The following C17orf107 variants were observed in gnomAD, a reference collection of about 807,000 sequenced individuals.
C17orf107 encodes uncharacterized protein C17orf107.
C17orf107 carries 9 observed loss-of-function variants against 8.9 expected under a neutral mutation model. The ratio of observed to expected loss-of-function variants is 1.02; its 90% CI spans 0.61 to 1.77. The LOEUF is 1.77. Ranked by LOEUF, C17orf107 falls within the 40% of genes most tolerant of loss-of-function variation. C17orf107 has a pLI of 0.00. For missense variants in C17orf107, 281 were observed against 249.0 expected (o/e 1.13, Z -0.86); for synonymous variants, 139 against 120.3 (o/e 1.16, Z -1.02).
downstream of C17orf107, among the ~76,000 whole-genome samples, chr17:4,903,447 A>G (rs1396463191): frequency 6.6e-6 from 1 of 152,024 alleles, no homozygotes; most frequent in Non-Finnish European, 1.5e-5. Flanking sequence ...TGACTGATGA[A>G]CACATCTGGG....
At chr17:4,906,446 C>A (rs965871789), downstream of C17orf107, among the ~76,000 whole-genome samples, 3 of 152,236 alleles carry the variant, frequency 2.0e-5, no homozygotes, top group Admixed American at 2.0e-4. Context: ...TCCTCCCCAG[C>A]AGGATTCAAA....
rs1970027896 is a variant in C17orf107 at position 4,902,581 on chromosome 17, G to A, written c.*2048G>A. ...CAGAGCTCAGCGGTTGGGGCCAGAA[G>A]TGGGATTTTTGGCTTAAGATGAGGG... is the stretch of plus-strand genomic sequence containing the variant. On this transcript the variant is annotated 3_prime_UTR_variant, in exon 3 of 3. Coordinates refer to ENST00000381365, the MANE Select transcript of C17orf107 (RefSeq NM_001145536.2). The surrounding 1 kb of genome is among the most constrained non-coding windows in gnomAD (Gnocchi z 4.0). 3 of 1,614,210 alleles carry A rather than the reference G, an allele frequency of 1.9e-6. No homozygotes were observed. The East Asian group carries it at 6.7e-5, about 36-fold the overall frequency.
Position 4,901,952 on chromosome 17 carries a change from C to T in C17orf107, c.*1419C>T, listed in dbSNP as rs754300536. On this transcript the variant is annotated 3_prime_UTR_variant, in exon 3 of 3. Coordinates refer to ENST00000381365, the MANE Select transcript of C17orf107 (RefSeq NM_001145536.2). ...CCCACCGGAAAATAAGCGAACAGTT[C>T]TGCCAATCGAAGGGGAAGTAGGTGA... 2.5e-5 allele frequency: 40 copies of T among 1,568,648 alleles called. No homozygotes were observed. Among genetic ancestry groups the T allele is most frequent in the Admixed American group, 1.9e-4 (11 of 58,644 alleles).
chr17:4,900,978 G>A lies in C17orf107; in HGVS notation c.*445G>A. ...GCCCGGGTTTGGGGGTAGGTTCGGG[G>A]CCACTGCTTACCCTGCGCCGGCAGG... On this transcript the variant is annotated 3_prime_UTR_variant, in exon 3 of 3. Transcript: ENST00000381365. 1 of 1,613,950 alleles carries A rather than the reference G, an allele frequency of 6.2e-7. No homozygotes were observed. The highest frequency in any genetic ancestry group is 1.1e-5 in the South Asian group (1 of 91,088).
downstream of C17orf107, among the ~76,000 whole-genome samples, chr17:4,906,465 C>A (rs543605257): frequency 6.6e-6 from 1 of 152,206 alleles, no homozygotes; most frequent in African/African-American, 2.4e-5. Context: ...AACTTGAAAT[C>A]TTGCTTCAAA....
In C17orf107 at chr17:4,900,151, G is replaced by T. The variant is rs1969928937; in HGVS notation, c.276+6G>T. On this transcript the variant is annotated splice_donor_region_variant and intron_variant, in intron 2 of 2. Coordinates refer to ENST00000381365, the MANE Select transcript of C17orf107 (RefSeq NM_001145536.2). ...TCGGCACCACCTTGTTAGAGGTGGGGTACTGGGGGGCTTAGGATACGCGGC... is the reference window on the plus strand; with the variant it reads ...TCGGCACCACCTTGTTAGAGGTGGGTTACTGGGGGGCTTAGGATACGCGGC... 1.3e-6 allele frequency: 2 copies of T among 1,549,016 alleles called. No individual in the cohort carries two copies. The highest frequency in any genetic ancestry group is 1.7e-6 in the Non-Finnish European group (2 of 1,146,046).
At position 4,901,568 on chromosome 17, in the gene C17orf107, G is replaced by A. The variant is rs761643342; in HGVS notation, c.*1035G>A. On this transcript the variant is annotated 3_prime_UTR_variant, in exon 3 of 3. Transcript: ENST00000381365. ...CGATGTCGATCTTGTTGATGGTCTTGCCGTCGTTGTCTACGGCAAAAGTGA... is the reference window on the plus strand; with the variant it reads ...CGATGTCGATCTTGTTGATGGTCTTACCGTCGTTGTCTACGGCAAAAGTGA... 1.2e-6 allele frequency: 2 copies of A among 1,614,184 alleles called. No homozygotes were observed. The highest frequency in any genetic ancestry group is 1.7e-6 in the Non-Finnish European group (2 of 1,180,024).
At chr17:4,903,870 T>A (rs6502829), downstream of C17orf107, among the ~76,000 whole-genome samples, 29,916 of 151,460 alleles carry the variant, frequency 0.2, 3,541 homozygotes, top group African/African-American at 0.34. Flanking sequence ...TAAAAAAAAT[T>A]TTTTTGAGAC....
At chr17:4,903,868 ATT>A (rs916204252), downstream of C17orf107, among the ~76,000 whole-genome samples, 4 of 151,856 alleles carry the variant, frequency 2.6e-5, no homozygotes, top group African/African-American at 9.7e-5. Context: ...TTTAAAAAAA[ATT>A]TTTTTGAGAC....
Position 4,901,718 on chromosome 17 carries a change from C to G in C17orf107, c.*1185C>G. ...TGGAAGCTGGGATCTAGCGGGGCCG[C>G]GATCCCAAGCCCACCCCTTCACCCA... is the stretch of plus-strand genomic sequence containing the variant. On this transcript the variant is annotated 3_prime_UTR_variant, in exon 3 of 3. Coordinates refer to ENST00000381365, the MANE Select transcript of C17orf107 (RefSeq NM_001145536.2). The G allele has an allele frequency of 7.5e-7, 1 of 1,340,816 alleles. No homozygotes were observed. The highest frequency in any genetic ancestry group is 1.4e-5 in the African/African-American group (1 of 69,666). 83.1% of individuals were successfully genotyped at this position (1,340,816 alleles called of 1,614,324 possible). A position where few individuals can be genotyped will look rare whatever the true frequency, so the allele number is the denominator to read the frequency against.
rs1555546465 is a variant in C17orf107, at chr17:4,899,563, CCAT to C, written c.-199_-197del. 1.3e-5 allele frequency: 20 copies of C among 1,592,832 alleles called. No individual in the cohort carries two copies. The highest frequency in any genetic ancestry group is 1.7e-5 in the Non-Finnish European group (20 of 1,170,656). ...TTCATGACAATGAGCGTGGCGACCA[CCAT>C]GACGAAAATAAGGAACCTGAGGAGC... On this transcript the variant is annotated 5_prime_UTR_variant, in exon 1 of 3. The change abolishes an upstream ATG in the 5' untranslated region. Transcript: ENST00000381365.
Position 4,902,331 on chromosome 17 carries a change from G to A in C17orf107, c.*1798G>A, listed in dbSNP as rs371818740. 2.7e-5 allele frequency: 44 copies of A among 1,614,046 alleles called. No individual in the cohort carries two copies. Among genetic ancestry groups the A allele is most frequent in the Non-Finnish European group, 3.5e-5 (41 of 1,180,022 alleles). On this transcript the variant is annotated 3_prime_UTR_variant, in exon 3 of 3. Transcript: ENST00000381365. This position sits in a 1 kb window ranked among gnomAD's most constrained non-coding sequence, Gnocchi z 4.0. ...GAGTCGGTAATCCTGCCAATCCTAA[G>A]GGGTGGGGGATGGAAGGCCGCGTGC...
In C17orf107 at chr17:4,901,334, T is replaced by C; in HGVS notation, c.*801T>C. 1.0e-6 allele frequency: 1 copy of C among 997,660 alleles called. No individual in the cohort carries two copies. The highest frequency in any genetic ancestry group is 1.5e-6 in the Non-Finnish European group (1 of 654,820). 61.8% of individuals were successfully genotyped at this position (997,660 alleles called of 1,614,324 possible). A position where few individuals can be genotyped will look rare whatever the true frequency, so the allele number is the denominator to read the frequency against. ...CAATTACGGACAGAAAAGGGCATTC[T>C]CGTTGAGGGTATGGAAAGCCAGAAG... On this transcript the variant is annotated 3_prime_UTR_variant, in exon 3 of 3. Transcript: ENST00000381365.
chr17:4,902,256 G>A lies in C17orf107; in HGVS notation c.*1723G>A. 1 of 1,614,176 alleles carries A rather than the reference G, an allele frequency of 6.2e-7. No homozygotes were observed. The highest frequency in any genetic ancestry group is 1.6e-4 in the Middle Eastern group (1 of 6,062). On this transcript the variant is annotated 3_prime_UTR_variant, in exon 3 of 3. Transcript: ENST00000381365. The surrounding 1 kb of genome is among the most constrained non-coding windows in gnomAD (Gnocchi z 4.0). ...AATCTCTGGCAGCCACACGAGTTCT[G>A]AAGGGACTCGCAGGGTTTCTATACC...
rs1408085720 is a variant in C17orf107, at chr17:4,900,832, T to C, written c.*299T>C. ...CACGCTCAGAGAAGTCTCTGGGATT[T>C]TCTGGGCAATGAGGAACAAGAAGAC... On this transcript the variant is annotated 3_prime_UTR_variant, in exon 3 of 3. Transcript: ENST00000381365. 2 of 1,614,092 alleles carry C rather than the reference T, an allele frequency of 1.2e-6. No homozygotes were observed. Among genetic ancestry groups the C allele is most frequent in the South Asian group, 2.2e-5 (2 of 91,080 alleles).
chr17:4,899,883 G>T, intron 1 of C17orf107, 53 bp from the exon 2 acceptor site: 2 of 1,549,272 alleles, frequency 1.3e-6, no homozygotes, highest in Non-Finnish European at 1.7e-6. Context: ...TAGGTCTCCT[G>T]TTCGCCCCTG....
rs1360198301 is a variant in C17orf107, at chr17:4,900,743, C to T, written c.*210C>T. 4 of 1,563,110 alleles carry T rather than the reference C, an allele frequency of 2.6e-6. No individual in the cohort carries two copies. Among genetic ancestry groups the T allele is most frequent in the Admixed American group, 3.6e-5 (2 of 54,810 alleles). On this transcript the variant is annotated 3_prime_UTR_variant, in exon 3 of 3. Coordinates refer to ENST00000381365, the MANE Select transcript of C17orf107 (RefSeq NM_001145536.2). ...TCCCGGGGTCTCTGGGTTTTGGCCACGCCCCCACCCTTCACACTGGCCACA... is the reference window on the plus strand; with the variant it reads ...TCCCGGGGTCTCTGGGTTTTGGCCATGCCCCCACCCTTCACACTGGCCACA...
chr17:4,900,333 G>C lies in C17orf107; in HGVS notation c.373G>C (p.Val125Leu). ...GRDPGAALSR[V>L]AQAAGQGVRQ... The stretch of plus-strand genomic sequence containing the variant: ...GGATCCGGGTGCAGCGCTGAGCCGG[G>C]TAGCCCAAGCCGCAGGGCAGGGGGT... The change falls in exon 3 of 3, where the codon GTA (valine) becomes CTA (leucine). Residue 125 changes from valine (V) to leucine (L), a missense_variant. Physicochemically the swap from Val to Leu is conservative, Grantham distance 32 (BLOSUM62 1). Transcript: ENST00000381365. The C allele has an allele frequency of 6.5e-7, 1 of 1,546,104 alleles. No homozygotes were observed. Among genetic ancestry groups the C allele is most frequent in the South Asian group, 1.2e-5 (1 of 83,964 alleles).
chr17:4,903,985 G>C (rs1970055472), downstream of C17orf107, among the ~76,000 whole-genome samples: 1 of 151,936 alleles, frequency 6.6e-6, no homozygotes, highest in Admixed American at 6.6e-5. Context: ...AACCTCTGGA[G>C]TAGCTGGGAC....
Sources: allele counts gnomAD v4.1 joint callset (sites outside exome capture counted in the v4.1 genomes callset), GRCh38; gene constraint gnomAD v4.1.1; non-coding constraint Gnocchi (gnomAD v3.1); transcripts MANE v1.5; gene names NCBI Gene and HGNC (gene_info 2026-07-23, HGNC 2026-07-21).